The following IL16 variants were observed in gnomAD, a reference collection of about 807,000 sequenced individuals.
IL16 encodes pro-interleukin-16.
In IL16, 67 loss-of-function variants were observed where a neutral mutation model predicts 110.1. The observed-to-expected ratio is 0.61, with a 90% CI of 0.50 to 0.75. IL16 has a LOEUF of 0.75. Ranked by LOEUF, IL16 falls within the 30% of genes least tolerant of loss-of-function variation. The probability of loss-of-function intolerance (pLI) is 0.00; values close to 1 mark genes in which losing one functional copy is unlikely to be tolerated. For missense variants in IL16, 1,545 were observed against 1,655.0 expected, an observed-to-expected ratio of 0.93 and a Z score of 1.15; for synonymous variants, 689 against 662.9, an observed-to-expected ratio of 1.04 and a Z score of -0.61.
intron 1 of IL16, among the ~76,000 whole-genome samples, chr15:81,212,285 A>G (rs116670271): frequency 0.012 from 1,767 of 152,164 alleles, 47 homozygotes; most frequent in African/African-American, 0.04. Flanking sequence ...ATATGTTTGC[A>G]TAGATTTGTT....
chr15:81,248,346 G>A (rs1349829336), intron 2 of IL16, among the ~76,000 whole-genome samples: 1 of 151,912 alleles, frequency 6.6e-6, no homozygotes, highest in Non-Finnish European at 1.5e-5. Context: ...GAATGTGTAT[G>A]TGAATGACTT....
chr15:81,306,387 G>C lies in IL16; in HGVS notation c.3680-33G>C, dbSNP rs754246647. 19 of 1,610,696 alleles carry C rather than the reference G, an allele frequency of 1.2e-5. 2 individuals carry two copies. In the South Asian group the frequency reaches 2.0e-4, roughly 17 times the overall value. On this transcript the variant is annotated intron_variant, in intron 17 of 18. Transcript: ENST00000683961. ...GGCATCTGTGGCCTGGGAGAGGAGA[G>C]GATCCCTAACAGAGACCTTGTGTTT...
At chr15:81,190,745 G>A (rs1444416452) in intron 1 of IL16, among the ~76,000 whole-genome samples, 1 of 152,092 alleles carries the variant, frequency 6.6e-6, no homozygotes, top group Non-Finnish European at 1.5e-5. Context: ...TGTTGAATAG[G>A]GACTTATGTC....
At chr15:81,210,649 C>T (rs1049868009) in intron 1 of IL16, among the ~76,000 whole-genome samples, 6 of 152,272 alleles carry the variant, frequency 3.9e-5, no homozygotes, top group African/African-American at 1.4e-4. Context: ...TCAGCCTGGA[C>T]ATTATTGGTG....
chr15:81,306,781 G>A (rs1477723600), intron 18 of IL16: 2 of 554,072 alleles, frequency 3.6e-6, no homozygotes, highest in Non-Finnish European at 6.5e-6. Context: ...CCTAAGTCCT[G>A]GGCTTGGTTC....
upstream of IL16, among the ~76,000 whole-genome samples, chr15:81,196,354 A>G (rs1895596628): frequency 6.6e-6 from 1 of 152,202 alleles, no homozygotes; most frequent in East Asian, 1.9e-4. Flanking sequence ...AGCAGGTGAT[A>G]TATTTACCAG....
At chr15:81,272,678 A>G (rs1476111572) in intron 5 of IL16, among the ~76,000 whole-genome samples, 1 of 152,226 alleles carries the variant, frequency 6.6e-6, no homozygotes, top group African/African-American at 2.4e-5. Flanking sequence ...TAGGCATTTT[A>G]CTTTCAAACA....
intron 9 of IL16, among the ~76,000 whole-genome samples, chr15:81,284,283 C>A (rs1481059328): frequency 6.6e-6 from 1 of 152,126 alleles, no homozygotes; most frequent in African/African-American, 2.4e-5. Flanking sequence ...GAGAGTTTTG[C>A]CATCCTTTTA....
At chr15:81,186,551 T>TA (rs1390263283) in intron 1 of IL16, among the ~76,000 whole-genome samples, 1 of 152,240 alleles carries the variant, frequency 6.6e-6, no homozygotes, top group Non-Finnish European at 1.5e-5. Context: ...CCACCAGTCT[T>TA]ACCAACCTCA....
intron 9 of IL16, among the ~76,000 whole-genome samples, chr15:81,285,020 C>T (rs923382977): frequency 6.6e-6 from 1 of 152,008 alleles, no homozygotes; most frequent in African/African-American, 2.4e-5. Flanking sequence ...CTATCTAGGT[C>T]GGGAAGGGGA....
intron 10 of IL16, chr15:81,290,123 T>C (rs2142347665): frequency 7.9e-6 from 3 of 380,990 alleles, no homozygotes; most frequent in Non-Finnish European, 1.5e-5. Flanking sequence ...CATGACAGCA[T>C]TGCCAAGAAC....
chr15:81,287,315 G>A (rs1244732583), intron 10 of IL16, among the ~76,000 whole-genome samples: 1 of 152,208 alleles, frequency 6.6e-6, no homozygotes, highest in Non-Finnish European at 1.5e-5. Flanking sequence ...CTTACTGTGG[G>A]ACATAGTGAG....
At chr15:81,307,956 A>G (rs1900656109) in intron 18 of IL16, among the ~76,000 whole-genome samples, 1 of 152,238 alleles carries the variant, frequency 6.6e-6, no homozygotes, top group Non-Finnish European at 1.5e-5. Flanking sequence ...TTTCATTACT[A>G]TCATTAGTAT....
At chr15:81,223,285 A>G (rs1230963599) in intron 1 of IL16, among the ~76,000 whole-genome samples, 4 of 152,200 alleles carry the variant, frequency 2.6e-5, no homozygotes, top group Non-Finnish European at 5.9e-5. Context: ...AAAGTGCAGA[A>G]CATTTTCTCA....
At chr15:81,242,543 G>T (rs1897372694) in intron 2 of IL16, among the ~76,000 whole-genome samples, 1 of 152,148 alleles carries the variant, frequency 6.6e-6, no homozygotes. Context: ...AATATTCATT[G>T]ATAGTAGATA....
intron 7 of IL16, 133 bp from the exon 8 acceptor site, chr15:81,279,425 A>G: frequency 1.6e-6 from 1 of 625,276 alleles, no homozygotes; most frequent in Non-Finnish European, 2.8e-6. Context: ...ATAATTTGTA[A>G]CATGTATGAA....
At chr15:81,193,265 G>A (rs543543014), upstream of IL16, among the ~76,000 whole-genome samples, 1 of 152,078 alleles carries the variant, frequency 6.6e-6, no homozygotes, top group Non-Finnish European at 1.5e-5. Context: ...CATTTTATTA[G>A]GGGGGGAATC....
rs1418943328 is a variant in IL16 at position 81,259,853 on chromosome 15, C to T, written c.394C>T (p.His132Tyr). ...SSNFLFPKAC[H>Y]QRARSNSTSV... is the part of the protein sequence containing the mutation. ...TAACTTCCTGTTTCCTAAAGCCTGC[C>T]ACCAAAGGGCACGCAGCAACTCAAC... The change falls in exon 3 of 19, where the codon CAC becomes TAC. Residue 132 changes from histidine to tyrosine, a missense_variant. Coordinates refer to ENST00000683961, the MANE Select transcript of IL16 (RefSeq NM_172217.5). 2 of 1,612,436 alleles carry T rather than the reference C, an allele frequency of 1.2e-6. No homozygotes were observed. Among genetic ancestry groups the T allele is most frequent in the African/African-American group, 1.3e-5 (1 of 74,902 alleles).
Position 81,293,024 on chromosome 15 carries a change from C to A in IL16, c.1889C>A (p.Pro630His). The A allele has an allele frequency of 6.2e-7, 1 of 1,605,834 alleles. No individual in the cohort carries two copies. Among genetic ancestry groups the A allele is most frequent in the Non-Finnish European group, 8.5e-7 (1 of 1,178,352 alleles). Residue 630 changes from proline to histidine, a missense_variant, in exon 12 of 19, where the codon CCC becomes CAC. Pro to His is a moderately conservative substitution (Grantham distance 77). This residue lies in a region of IL16 where 1,185 missense variants were observed against 1,238.8 expected (regional missense o/e 0.96). Coordinates refer to ENST00000683961, the MANE Select transcript of IL16 (RefSeq NM_172217.5). The stretch of plus-strand genomic sequence containing the variant: ...TCATGCTCTTCTGGGCACACCCCAC[C>A]CACCTGTGGCCAGGTAAGAGGATGG... Reference protein sequence around the residue: ...NSSCSSGHTPPTCGQEARELL... With the variant: ...NSSCSSGHTPHTCGQEARELL...
Sources: allele counts gnomAD v4.1 joint callset (sites outside exome capture counted in the v4.1 genomes callset), GRCh38; gene constraint gnomAD v4.1.1; regional missense constraint gnomAD v4.1.1; transcripts MANE v1.5; gene names NCBI Gene and HGNC (gene_info 2026-07-23, HGNC 2026-07-21).